Variants in CCDC28A observed in about 807,000 individuals in gnomAD.
The protein encoded by CCDC28A is coiled-coil domain-containing protein 28A.
CCDC28A carries 24 observed loss-of-function variants against 22.1 expected under a neutral mutation model. The ratio of observed to expected loss-of-function variants is 1.09; its 90% CI spans 0.79 to 1.53. The LOEUF is 1.53. Ranked by LOEUF, CCDC28A falls within the 40% of genes most tolerant of loss-of-function variation. The pLI, the probability that CCDC28A is intolerant of heterozygous loss-of-function variation, is 0.00. For missense variants in CCDC28A, 170 were observed against 210.7 expected, an observed-to-expected ratio of 0.81 and a Z score of 1.20; for synonymous variants, 83 against 74.7, an observed-to-expected ratio of 1.11 and a Z score of -0.57.
intron 5 of CCDC28A, among the ~76,000 whole-genome samples, chr6:138,789,155 A>G (rs1296007782): frequency 6.6e-6 from 1 of 152,204 alleles, no homozygotes; most frequent in Non-Finnish European, 1.5e-5. Context: ...ATTTAGAGCA[A>G]TTATTTTAAG....
chr6:138,776,463 A>C (rs1774936046), intron 2 of CCDC28A, among the ~76,000 whole-genome samples, 185 bp downstream of exon 2: 1 of 152,120 alleles, frequency 6.6e-6, no homozygotes, highest in Admixed American at 6.6e-5. Flanking sequence ...ATGCAAAATG[A>C]ATTATTGGTT....
intron 1 of CCDC28A, among the ~76,000 whole-genome samples, chr6:138,775,324 C>T (rs1297118298): frequency 6.6e-6 from 1 of 152,198 alleles, no homozygotes; most frequent in African/African-American, 2.4e-5. Context: ...GGAGGCCTTA[C>T]ACGTATTCCG....
At chr6:138,775,972 C>A in intron 1 of CCDC28A, 107 bp from the exon 2 acceptor site, 1 of 884,446 alleles carries the variant, frequency 1.1e-6, no homozygotes, top group Non-Finnish European at 1.8e-6. Context: ...TCTCTTATGC[C>A]CTCTGGAATT....
intron 5 of CCDC28A, among the ~76,000 whole-genome samples, chr6:138,790,090 A>G (rs1208993750): frequency 1.3e-5 from 2 of 152,096 alleles, no homozygotes; most frequent in African/African-American, 4.8e-5. Context: ...TCTTCCTTCA[A>G]TGCTTTATAT....
At chr6:138,780,997 G>C (rs1448969737) in intron 3 of CCDC28A, among the ~76,000 whole-genome samples, 1 of 152,072 alleles carries the variant, frequency 6.6e-6, no homozygotes, top group Admixed American at 6.5e-5. Context: ...CATACATATT[G>C]ATTTTTTAAA....
intron 3 of CCDC28A, among the ~76,000 whole-genome samples, chr6:138,781,771 A>G (rs1182595001): frequency 6.6e-6 from 1 of 152,154 alleles, no homozygotes; most frequent in Non-Finnish European, 1.5e-5. Context: ...TGTGTTTTAG[A>G]TACTAACCCT....
At chr6:138,776,651 G>A (rs1480880194) in intron 2 of CCDC28A, among the ~76,000 whole-genome samples, 1 of 151,450 alleles carries the variant, frequency 6.6e-6, no homozygotes, top group South Asian at 2.1e-4. Flanking sequence ...TGCCTTGGTA[G>A]TTTTCTTAAT....
chr6:138,777,397 TG>T lies in CCDC28A; in HGVS notation c.158+1121del, dbSNP rs775844375. On this transcript the variant is annotated intron_variant, in intron 2 of 5. Coordinates refer to ENST00000617445, the MANE Select transcript of CCDC28A (RefSeq NM_015439.3). ...AATTATCAGAATGGGGTTTTTGTCA[TG>T]GAAGAGTTTAATTAGGGTCAGATTT... is the stretch of plus-strand genomic sequence containing the variant. 6.6e-5 allele frequency among the ~76,000 whole-genome samples: 10 copies of T among 152,332 alleles called. No homozygotes were observed. In the East Asian group the frequency reaches 9.6e-4, roughly 15 times the overall value.
intron 3 of CCDC28A, among the ~76,000 whole-genome samples, chr6:138,784,512 A>C (rs1190914955): frequency 6.6e-6 from 1 of 151,684 alleles, no homozygotes. Context: ...CACCATGCCT[A>C]GTTAATGCGT....
In CCDC28A at chr6:138,776,289, T is replaced by C; in HGVS notation, c.158+11T>C. On this transcript the variant is annotated intron_variant, in intron 2 of 5. Transcript: ENST00000617445. ...ACCAAAGTTAAAAAGGTGAATTCTTTTATTTTACATGTTCACAGTAAAATG... is the reference window on the plus strand; with the variant it reads ...ACCAAAGTTAAAAAGGTGAATTCTTCTATTTTACATGTTCACAGTAAAATG... 1.9e-6 allele frequency: 3 copies of C among 1,594,050 alleles called. No individual in the cohort carries two copies. Among genetic ancestry groups the C allele is most frequent in the Non-Finnish European group, 2.6e-6 (3 of 1,161,772 alleles).
At chr6:138,778,119 C>G (rs72985041) in intron 2 of CCDC28A, among the ~76,000 whole-genome samples, 4,275 of 152,154 alleles carry the variant, frequency 0.028, 100 homozygotes, top group Non-Finnish European at 0.041. Context: ...GTATTCTAAA[C>G]TTCTTTCATA....
intron 4 of CCDC28A, among the ~76,000 whole-genome samples, chr6:138,785,741 C>A (rs1775085795): frequency 6.6e-6 from 1 of 151,990 alleles, no homozygotes; most frequent in Non-Finnish European, 1.5e-5. Context: ...GAAATGTATT[C>A]CAACAAAGTT....
chr6:138,789,454 A>G (rs1351588272), intron 5 of CCDC28A, among the ~76,000 whole-genome samples: 1 of 152,194 alleles, frequency 6.6e-6, no homozygotes, highest in East Asian at 1.9e-4. Flanking sequence ...TCCAAACTAT[A>G]TATATAAAAA....
rs1428107410 is a variant in CCDC28A, at chr6:138,785,375, G to A, written c.471G>A (p.Leu157=). 1 of 1,604,916 alleles carries A rather than the reference G, an allele frequency of 6.2e-7. No individual in the cohort carries two copies. The highest frequency in any genetic ancestry group is 8.5e-7 in the Non-Finnish European group (1 of 1,177,140). ...TASDSNLDRL[L]SDLEELNSSI... ...GTGACTCCAATCTGGATAGGCTTCT[G>A]TCAGATGTAAGTGTAATTCTTTTTC... Residue 157 remains leucine (L), a synonymous_variant, in exon 4 of 6, where the codon CTG becomes CTA. Coordinates refer to ENST00000617445, the MANE Select transcript of CCDC28A (RefSeq NM_015439.3).
At position 138,784,866 on chromosome 6, in the gene CCDC28A, G is replaced by T. The variant is rs1406064196; in HGVS notation, c.323-361G>T. Among the ~76,000 whole-genome samples, 4 of 152,040 alleles carry T rather than the reference G, an allele frequency of 2.6e-5. No individual in the cohort carries two copies. In the East Asian group the frequency reaches 7.7e-4, roughly 29 times the overall value. On this transcript the variant is annotated intron_variant, in intron 3 of 5. Transcript: ENST00000617445. The stretch of plus-strand genomic sequence containing the variant: ...GCACCACCATGCCCAGCTAATTTTT[G>T]TATTTTTAGTAGAGACTAGGTTTCA...
intron 5 of CCDC28A, among the ~76,000 whole-genome samples, chr6:138,791,128 A>G (rs1775163112): frequency 6.6e-6 from 1 of 152,196 alleles, no homozygotes; most frequent in African/African-American, 2.4e-5. Flanking sequence ...TCTGTCACCC[A>G]GGCTGGAGTG....
In CCDC28A at chr6:138,793,256, T is replaced by A. The variant is rs1562442311; in HGVS notation, c.*453T>A. 2 of 154,606 alleles carry A rather than the reference T, an allele frequency of 1.3e-5. No homozygotes were observed. Among genetic ancestry groups the A allele is most frequent in the Non-Finnish European group, 2.9e-5 (2 of 69,428 alleles). The allele number at this position is 154,606 out of a possible 1,614,324, so 9.6% of individuals were successfully genotyped here. ...TGGTGTGTTTTCCAATGGCCAGTGA[T>A]AAGAAATTAAATAAGTATTTGTGAG... On this transcript the variant is annotated 3_prime_UTR_variant, in exon 6 of 6. Coordinates refer to ENST00000617445, the MANE Select transcript of CCDC28A (RefSeq NM_015439.3).
rs548280891 is a variant in CCDC28A at position 138,793,147 on chromosome 6, C to G, written c.*344C>G. The G allele has an allele frequency of 1.7e-5, 4 of 236,948 alleles. No homozygotes were observed. The East Asian group carries it at 4.7e-4, about 28-fold the overall frequency. 14.7% of individuals were successfully genotyped at this position (236,948 alleles called of 1,614,324 possible). On this transcript the variant is annotated 3_prime_UTR_variant, in exon 6 of 6. Coordinates refer to ENST00000617445, the MANE Select transcript of CCDC28A (RefSeq NM_015439.3). ...CTTTCCTGAGCTCACCAAACTTATT[C>G]CAGTGTTGATCGCAAGCTGTTGATG...
At chr6:138,789,978 A>T (rs976227213) in intron 5 of CCDC28A, among the ~76,000 whole-genome samples, 3 of 152,170 alleles carry the variant, frequency 2.0e-5, no homozygotes, top group Non-Finnish European at 4.4e-5. Flanking sequence ...AAGGTGCTAC[A>T]TAAACTGTTG....
Sources: allele counts gnomAD v4.1 joint callset (sites outside exome capture counted in the v4.1 genomes callset), GRCh38; gene constraint gnomAD v4.1.1; transcripts MANE v1.5; gene names NCBI Gene and HGNC (gene_info 2026-07-23, HGNC 2026-07-21).